Variants in MAD1L1 observed in about 807,000 individuals in gnomAD.
MAD1L1 encodes the protein mitotic spindle assembly checkpoint protein MAD1.
In MAD1L1, 95 loss-of-function variants were observed where a neutral mutation model predicts 96.9. The ratio of observed to expected loss-of-function variants is 0.98; its 90% CI spans 0.83 to 1.16. MAD1L1 has a LOEUF of 1.16. MAD1L1 is among the 50% of genes most tolerant of loss of function. The probability of loss-of-function intolerance (pLI) is 0.00; values close to 1 mark genes in which losing one functional copy is unlikely to be tolerated. For missense variants in MAD1L1, 1,007 were observed against 954.4 expected (o/e 1.06, Z -0.73); for synonymous variants, 473 against 396.6 (o/e 1.19, Z -2.29).
At chr7:2,074,272 C>T (rs1016662805) in intron 11 of MAD1L1, among the ~76,000 whole-genome samples, 4 of 152,272 alleles carry the variant, frequency 2.6e-5, no homozygotes, top group South Asian at 4.2e-4. Context: ...GAGAATCTCA[C>T]GGCGGGTGCA....
At chr7:2,164,594 G>A (rs1370916879) in intron 10 of MAD1L1, among the ~76,000 whole-genome samples, 1 of 18,782 alleles carries the variant, frequency 5.3e-5, no homozygotes, top group Admixed American at 4.2e-4. Context: ...CAGGAAAAAT[G>A]GGGGGGGGGG....
At chr7:2,041,587 G>A (rs1783676275) in intron 12 of MAD1L1, among the ~76,000 whole-genome samples, 1 of 152,270 alleles carries the variant, frequency 6.6e-6, no homozygotes, top group South Asian at 2.1e-4. Flanking sequence ...GTCCCCTGCT[G>A]TCAGCAGCGA....
chr7:2,003,627 C>T (rs559394341), intron 13 of MAD1L1, among the ~76,000 whole-genome samples: 65 of 152,264 alleles, frequency 4.3e-4, no homozygotes, highest in African/African-American at 1.5e-3. Flanking sequence ...TGGGGCCTCA[C>T]TCAGTGGGGC....
At chr7:2,151,708 T>A (rs1789579141) in intron 10 of MAD1L1, among the ~76,000 whole-genome samples, 1 of 152,226 alleles carries the variant, frequency 6.6e-6, no homozygotes, top group South Asian at 2.1e-4. Flanking sequence ...TTCCCAGTGA[T>A]GCCAAGACCA....
intron 14 of MAD1L1, among the ~76,000 whole-genome samples, chr7:1,988,193 C>T (rs550769709): frequency 6.6e-6 from 1 of 152,322 alleles, no homozygotes; most frequent in Admixed American, 6.5e-5. Flanking sequence ...GGAGAGGGCC[C>T]TGCTGAACGC....
chr7:1,906,497 C>T (rs1369946013), intron 17 of MAD1L1, among the ~76,000 whole-genome samples: 1 of 152,268 alleles, frequency 6.6e-6, no homozygotes, highest in African/African-American at 2.4e-5. Context: ...GCCTCTCCTG[C>T]ACCCTGCTTC....
chr7:2,021,610 GA>G (rs75835892), intron 12 of MAD1L1, among the ~76,000 whole-genome samples: 27,048 of 151,948 alleles, frequency 0.18, 4,581 homozygotes, highest in African/African-American at 0.44. Context: ...ACTGAAAGTA[GA>G]AAAGTTAGCT....
intron 10 of MAD1L1, among the ~76,000 whole-genome samples, chr7:2,161,899 C>G (rs879428559): frequency 1.4e-5 from 2 of 148,054 alleles, no homozygotes; most frequent in Non-Finnish European, 3.0e-5. Flanking sequence ...TGGGGGGCAG[C>G]CCCCGCCCGC....
chr7:2,015,463 C>T (rs1415480316), intron 12 of MAD1L1, among the ~76,000 whole-genome samples: 1 of 152,232 alleles, frequency 6.6e-6, no homozygotes, highest in Non-Finnish European at 1.5e-5. Context: ...GTCAGGGGCC[C>T]CGGGAGCTGT....
chr7:1,954,862 G>C (rs1412485782), intron 16 of MAD1L1, among the ~76,000 whole-genome samples: 2 of 152,116 alleles, frequency 1.3e-5, no homozygotes, highest in Admixed American at 1.3e-4. Flanking sequence ...TGCAGTCCAG[G>C]AGCCCCGCCC....
chr7:1,816,120 A>C lies in MAD1L1; in HGVS notation c.2107T>G (p.Phe703Val). 6.2e-7 allele frequency: 1 copy of C among 1,612,926 alleles called. No homozygotes were observed. Among genetic ancestry groups the C allele is most frequent in the Non-Finnish European group, 8.5e-7 (1 of 1,179,816 alleles). The part of the protein sequence containing the change: ...HLRRQDSIPA[F>V]LSSLTLELFS... Reference sequence around the variant, plus strand: ...AGCTCGAGGGTGAGCGAGCTGAGGAAGGCAGGGATGCTGTCCTGGCGCCGC... The same window carrying C: ...AGCTCGAGGGTGAGCGAGCTGAGGACGGCAGGGATGCTGTCCTGGCGCCGC... The change falls in exon 19 of 19, where the codon TTC becomes GTC. Residue 703 changes from phenylalanine to valine, a missense_variant. Transcript: ENST00000265854.
intron 10 of MAD1L1, among the ~76,000 whole-genome samples, chr7:2,197,058 C>A (rs1301008991): frequency 6.6e-6 from 1 of 152,224 alleles, no homozygotes; most frequent in East Asian, 1.9e-4. Flanking sequence ...TTCTGCGGCT[C>A]CTGTGACCTG....
chr7:2,081,898 G>T (rs898311513), intron 11 of MAD1L1, among the ~76,000 whole-genome samples: 1 of 152,208 alleles, frequency 6.6e-6, no homozygotes, highest in African/African-American at 2.4e-5. Flanking sequence ...TGGGGAGACA[G>T]CAGGGCACGC....
At chr7:2,182,961 G>A (rs1237188191) in intron 10 of MAD1L1, among the ~76,000 whole-genome samples, 10 of 152,018 alleles carry the variant, frequency 6.6e-5, no homozygotes, top group Admixed American at 6.5e-4. Flanking sequence ...GGTGGCTCAC[G>A]CTTATAATCC....
chr7:1,921,043 C>T lies in MAD1L1; in HGVS notation c.1807+15644G>A, dbSNP rs371021274. Among the ~76,000 whole-genome samples the T allele has an allele frequency of 3.9e-5, 6 of 152,174 alleles. No individual in the cohort carries two copies. In the East Asian group the frequency reaches 7.7e-4, roughly 20 times the overall value. ...AGGTGGGAAGAGGGCGGAGAGGCGG[C>T]CTGGAGCCAGCAGTGGGGACTCAGG... On this transcript the variant is annotated intron_variant, in intron 17 of 18. Coordinates refer to ENST00000265854, the MANE Select transcript of MAD1L1 (RefSeq NM_001013836.2).
At chr7:1,937,652 G>A (rs565869142) in intron 16 of MAD1L1, among the ~76,000 whole-genome samples, 4 of 148,896 alleles carry the variant, frequency 2.7e-5, no homozygotes, top group East Asian at 2.0e-4. Context: ...GGGTCACTGC[G>A]CACCCGAGAC....
intron 18 of MAD1L1, among the ~76,000 whole-genome samples, chr7:1,877,381 C>T (rs895428282): frequency 6.6e-6 from 1 of 151,348 alleles, no homozygotes; most frequent in Non-Finnish European, 1.5e-5. Context: ...GACCCTTGCC[C>T]TAGAGCAATA....
chr7:1,898,802 C>T (rs895598163), intron 17 of MAD1L1, among the ~76,000 whole-genome samples: 27 of 152,288 alleles, frequency 1.8e-4, no homozygotes, highest in Admixed American at 2.6e-4. Flanking sequence ...CCCAACACTC[C>T]GGGGATTTAG....
intron 18 of MAD1L1, chr7:1,874,583 A>G (rs1291919742): frequency 1.1e-5 from 5 of 450,562 alleles, no homozygotes; most frequent in African/African-American, 1.0e-4. Flanking sequence ...AGTGGCTCTC[A>G]CCTATCAGCA....
Sources: allele counts gnomAD v4.1 joint callset (sites outside exome capture counted in the v4.1 genomes callset), GRCh38; gene constraint gnomAD v4.1.1; transcripts MANE v1.5; gene names NCBI Gene and HGNC (gene_info 2026-07-23, HGNC 2026-07-21).